ARPP21: variants seen among roughly 807,000 people sequenced by gnomAD.
The protein encoded by ARPP21 is cAMP regulated phosphoprotein 21, also known as cAMP-regulated phosphoprotein 21.
ARPP21 carries 69 observed loss-of-function variants against 113.2 expected under a neutral mutation model. That is an observed-to-expected ratio of 0.61 (90% CI 0.50 to 0.74). ARPP21 has a LOEUF of 0.74. Ranked by LOEUF, ARPP21 falls within the 30% of genes least tolerant of loss-of-function variation. The probability of loss-of-function intolerance (pLI) is 0.00; values close to 1 mark genes in which losing one functional copy is unlikely to be tolerated. For synonymous variants in ARPP21, 368 were observed against 375.5 expected (o/e 0.98, Z 0.23); for missense variants, 1,070 against 1,037.4 (o/e 1.03, Z -0.43).
rs148851429 is a variant in ARPP21 at position 35,792,616 on chromosome 3, G to T, written c.2286+86G>T. 2,124 of 1,276,268 alleles carry T rather than the reference G, an allele frequency of 1.7e-3. 4 individuals carry two copies. Among genetic ancestry groups the T allele is most frequent in the Non-Finnish European group, 2.2e-3 (1,902 of 878,620 alleles). The allele number at this position is 1,276,268 out of a possible 1,614,324, so 79.1% of individuals were successfully genotyped here. A position where few individuals can be genotyped will look rare whatever the true frequency, so the allele number is the denominator to read the frequency against. On this transcript the variant is annotated intron_variant, in intron 20 of 20. Transcript: ENST00000684406. ...TGTGGGTCTGTCCCTGGTTTGGGTG[G>T]CTGGCTGGGTAATGCGTGCTTGGTC...
intron 15 of ARPP21, among the ~76,000 whole-genome samples, chr3:35,736,072 G>C (rs913345967): frequency 6.6e-6 from 1 of 152,194 alleles, no homozygotes; most frequent in Admixed American, 6.5e-5. Flanking sequence ...AAAGTGAATA[G>C]ACTTTGAAGT....
chr3:35,734,288 TTTTTAATATTGAGC>T (rs2094197244), intron 15 of ARPP21, among the ~76,000 whole-genome samples: 1 of 152,214 alleles, frequency 6.6e-6, no homozygotes. Flanking sequence ...ACTTACACAT[TTTTTAATATTGAGC>T]TTTTAAAAAT....
At chr3:35,662,289 T>C (rs1708185719) in intron 1 of ARPP21, among the ~76,000 whole-genome samples, 1 of 152,144 alleles carries the variant, frequency 6.6e-6, no homozygotes, top group Admixed American at 6.5e-5. Context: ...AGGTGCCAGG[T>C]ATTAGAGAGG....
chr3:35,655,172 A>G (rs1704239969), intron 1 of ARPP21, among the ~76,000 whole-genome samples: 1 of 151,980 alleles, frequency 6.6e-6, no homozygotes, highest in Admixed American at 6.6e-5. Flanking sequence ...ACTTTATTTT[A>G]CTTTTGAGAA....
rs561799592 is a variant in ARPP21 at position 35,783,815 on chromosome 3, C to A, written c.2138-8567C>A. Reference sequence around the variant, plus strand: ...TCCTCTGCCTGTTTCTAACCTATTGCTATGCCTGTATATTTACAATTCTCG... The same window carrying A: ...TCCTCTGCCTGTTTCTAACCTATTGATATGCCTGTATATTTACAATTCTCG... On this transcript the variant is annotated intron_variant, in intron 19 of 20. Transcript: ENST00000684406. Among the ~76,000 whole-genome samples, 3 of 152,308 alleles carry A rather than the reference C, an allele frequency of 2.0e-5. No homozygotes were observed. The South Asian group carries it at 6.2e-4, about 32-fold the overall frequency.
chr3:35,742,047 A>T (rs897965216), intron 18 of ARPP21, among the ~76,000 whole-genome samples: 1 of 152,132 alleles, frequency 6.6e-6, no homozygotes, highest in African/African-American at 2.4e-5. Context: ...TGAGTTCAAA[A>T]TTTTTTTCCA....
intron 1 of ARPP21, among the ~76,000 whole-genome samples, chr3:35,676,431 C>A: frequency 1.5e-5 from 1 of 68,034 alleles, no homozygotes; most frequent in East Asian, 7.2e-4. Flanking sequence ...CAAGGATGTT[C>A]ATTAAAACAT....
At chr3:35,782,967 G>A (rs1417895603) in intron 19 of ARPP21, among the ~76,000 whole-genome samples, 1 of 152,026 alleles carries the variant, frequency 6.6e-6, no homozygotes, top group Non-Finnish European at 1.5e-5. Flanking sequence ...TCACCGGTTT[G>A]TTTGTTTTTT....
At chr3:35,668,002 G>T (rs1347962296) in intron 1 of ARPP21, among the ~76,000 whole-genome samples, 1 of 150,058 alleles carries the variant, frequency 6.7e-6, no homozygotes, top group Non-Finnish European at 1.5e-5. Flanking sequence ...AGAAGAAGAA[G>T]AAGAAGAAGA....
At chr3:35,699,872 A>C (rs2085617543) in intron 9 of ARPP21, among the ~76,000 whole-genome samples, 1 of 151,798 alleles carries the variant, frequency 6.6e-6, no homozygotes, top group Non-Finnish European at 1.5e-5. Context: ...AACAGTTTCC[A>C]AAGAAAACAT....
chr3:35,651,746 T>C (rs1332010667), intron 1 of ARPP21: 1 of 152,052 alleles, frequency 6.6e-6, no homozygotes, highest in Non-Finnish European at 1.5e-5. Context: ...GTGATCATAG[T>C]TTTGGAGTTT....
At position 35,701,389 on chromosome 3, in the gene ARPP21, T is replaced by C. The variant is rs537963785; in HGVS notation, c.687-5585T>C. 6.6e-5 allele frequency among the ~76,000 whole-genome samples: 10 copies of C among 151,876 alleles called. No homozygotes were observed. In the South Asian group the frequency reaches 2.1e-3, roughly 31 times the overall value. On this transcript the variant is annotated intron_variant, in intron 9 of 20. Coordinates refer to ENST00000684406, the MANE Select transcript of ARPP21 (RefSeq NM_001385562.1). Reference sequence around the variant, plus strand: ...TTCATTTGTGGAAATTCTAAGTATATAGGTAAACTTGAAGAAATAAGTCTG... The same window carrying C: ...TTCATTTGTGGAAATTCTAAGTATACAGGTAAACTTGAAGAAATAAGTCTG...
chr3:35,727,508 A>G lies in ARPP21; in HGVS notation c.1226-1795A>G, dbSNP rs529356060. On this transcript the variant is annotated intron_variant, in intron 14 of 20. Transcript: ENST00000684406. ...AATTGCCCCTCTTCTCTGCACTTAC[A>G]TGTTATGTTCCTATCACTTATTTTA... 1.1e-3 allele frequency among the ~76,000 whole-genome samples: 161 copies of G among 152,306 alleles called. 1 individual carries two copies. The highest frequency in any genetic ancestry group is 3.8e-3 in the African/African-American group (157 of 41,562).
intron 19 of ARPP21, among the ~76,000 whole-genome samples, chr3:35,754,435 T>C (rs1010129705): frequency 3.3e-5 from 5 of 151,968 alleles, no homozygotes; most frequent in African/African-American, 1.2e-4. Flanking sequence ...GTCTGATGTC[T>C]ATTAACATCA....
Position 35,737,257 on chromosome 3 carries a change from G to A in ARPP21, c.1539G>A (p.Met513Ile). 1.2e-6 allele frequency: 2 copies of A among 1,612,884 alleles called. No homozygotes were observed. Among genetic ancestry groups the A allele is most frequent in the Admixed American group, 1.7e-5 (1 of 59,924 alleles). Reference sequence around the variant, plus strand: ...GTCAGCAGCCCCTGCGAAGCGCCATGGTGGGGCAGTCCCAACAGCAGCCAC... The same window carrying A: ...GTCAGCAGCCCCTGCGAAGCGCCATAGTGGGGCAGTCCCAACAGCAGCCAC... ...PTSQQPLRSA[M>I]VGQSQQQPPQ... Residue 513 changes from methionine to isoleucine, a missense_variant, in exon 16 of 21, where the codon ATG (methionine) becomes ATA (isoleucine). Transcript: ENST00000684406.
At chr3:35,679,267 T>C (rs1277544947) in intron 1 of ARPP21, among the ~76,000 whole-genome samples, 2 of 151,896 alleles carry the variant, frequency 1.3e-5, no homozygotes, top group East Asian at 3.9e-4. Flanking sequence ...GTTTTCTTCT[T>C]CTTTTTTTTA....
At chr3:35,780,015 G>A (rs943557445) in intron 19 of ARPP21, among the ~76,000 whole-genome samples, 1 of 152,194 alleles carries the variant, frequency 6.6e-6, no homozygotes, top group African/African-American at 2.4e-5. Flanking sequence ...GTTACTGTCT[G>A]TCCAGATTTT....
At chr3:35,641,366 G>A (rs765038873) in intron 1 of ARPP21, 1 of 152,112 alleles carries the variant, frequency 6.6e-6, no homozygotes, top group Non-Finnish European at 1.5e-5. Flanking sequence ...GATAAAAACT[G>A]CTATGATTGT....
chr3:35,716,453 A>G (rs1375090728), intron 12 of ARPP21, among the ~76,000 whole-genome samples: 1 of 152,122 alleles, frequency 6.6e-6, no homozygotes. Context: ...GGAAATCTTC[A>G]AGTAACGTGA....
Sources: gnomAD v4.1 joint callset for allele counts (sites outside exome capture counted in the v4.1 genomes callset) on GRCh38, gnomAD v4.1.1 for gene constraint, MANE v1.5 for transcripts, NCBI Gene and HGNC (gene_info 2026-07-23, HGNC 2026-07-21) for gene names.